BCAS3: variants seen among roughly 807,000 people sequenced by gnomAD.
BCAS3 encodes the protein BCAS3 microtubule associated cell migration factor.
Under a neutral mutation model 116.1 loss-of-function variants are expected in BCAS3, and 53 were observed. That is an observed-to-expected ratio of 0.46 (90% CI 0.37 to 0.57). The LOEUF (loss-of-function observed/expected upper bound fraction) is 0.57. BCAS3 is among the 20% of genes least tolerant of loss of function. The probability of loss-of-function intolerance (pLI) is 0.00; values close to 1 mark genes in which losing one functional copy is unlikely to be tolerated. For synonymous variants in BCAS3, 391 were observed against 408.2 expected (o/e 0.96, Z 0.51); for missense variants, 917 against 1,165.4 (o/e 0.79, Z 3.10).
At position 61,307,919 on chromosome 17, in the gene BCAS3, A is replaced by G. The variant is rs73993433; in HGVS notation, c.2426-60408A>G. On this transcript the variant is annotated intron_variant, in intron 22 of 23. Coordinates refer to ENST00000407086, the MANE Select transcript of BCAS3 (RefSeq NM_017679.5). This position sits in a 1 kb window ranked among gnomAD's most constrained non-coding sequence, Gnocchi z 4.7. Reference sequence around the variant, plus strand: ...TGTTACGTGAGCAACCCCAAACAGTATACACCTTGACAATGTGGAGACTCA... The same window carrying G: ...TGTTACGTGAGCAACCCCAAACAGTGTACACCTTGACAATGTGGAGACTCA... 4.1e-3 allele frequency among the ~76,000 whole-genome samples: 592 copies of G among 143,662 alleles called. 5 individuals are homozygous for G. Among genetic ancestry groups the G allele is most frequent in the African/African-American group, 0.016 (552 of 34,638 alleles). 94.2% of individuals were successfully genotyped at this position (143,662 alleles called of 152,430 possible).
chr17:61,235,460 A>G lies in BCAS3; in HGVS notation c.2426-132867A>G, dbSNP rs532707829. Among the ~76,000 whole-genome samples the G allele has an allele frequency of 2.6e-5, 4 of 152,184 alleles. No homozygotes were observed. Among genetic ancestry groups the G allele is most frequent in the Non-Finnish European group, 5.9e-5 (4 of 68,038 alleles). On this transcript the variant is annotated intron_variant, in intron 22 of 23. Coordinates refer to ENST00000407086, the MANE Select transcript of BCAS3 (RefSeq NM_017679.5). This position sits in a 1 kb window ranked among gnomAD's most constrained non-coding sequence, Gnocchi z 5.0. ...ATGAATGTGCTTGTTTAGCAGGTAGAGTTATTATTCTCTTATGTTCAAATT... is the reference window on the plus strand; with the variant it reads ...ATGAATGTGCTTGTTTAGCAGGTAGGGTTATTATTCTCTTATGTTCAAATT...
rs372374598 is a variant in BCAS3, at chr17:61,013,695, G to C, written c.1487-2056G>C. ...ATTGGAAATTGAGGAGATAGAGAAC[G>C]ATTTATTTTATTTGCATGAATTTCT... On this transcript the variant is annotated intron_variant, in intron 15 of 23. Transcript: ENST00000407086. This position sits in a 1 kb window ranked among gnomAD's most constrained non-coding sequence, Gnocchi z 4.4. Among the ~76,000 whole-genome samples the C allele has an allele frequency of 6.6e-6, 1 of 151,920 alleles. No individual in the cohort carries two copies.
intron 22 of BCAS3, among the ~76,000 whole-genome samples, chr17:61,257,891 C>T (rs185857888): frequency 1.3e-5 from 2 of 152,298 alleles, no homozygotes; most frequent in East Asian, 3.9e-4. Flanking sequence ...TTTCCCTTCC[C>T]ATTTTCACTC....
In BCAS3 at chr17:61,086,921, G is replaced by A. The variant is rs2073140006; in HGVS notation, c.2425+2357G>A. 3.0e-6 allele frequency: 3 copies of A among 985,280 alleles called. No homozygotes were observed. The Admixed American group carries it at 1.8e-4, about 61-fold the overall frequency. The allele number at this position is 985,280 out of a possible 1,614,324, so 61.0% of individuals were successfully genotyped here. Reference sequence around the variant, plus strand: ...TTTTGAGTGAATAATGTTTTGTCGTGGAATGTCCATCTACTTTAATAGGAC... The same window carrying A: ...TTTTGAGTGAATAATGTTTTGTCGTAGAATGTCCATCTACTTTAATAGGAC... On this transcript the variant is annotated intron_variant, in intron 22 of 23. Transcript: ENST00000407086.
intron 18 of BCAS3, among the ~76,000 whole-genome samples, chr17:61,039,718 C>A (rs2067350523): frequency 6.6e-6 from 1 of 152,042 alleles, no homozygotes; most frequent in Non-Finnish European, 1.5e-5. Context: ...ACCGCGCCGG[C>A]CCATGAACAT....
At chr17:61,027,776 A>G (rs1489035086) in intron 16 of BCAS3, among the ~76,000 whole-genome samples, 2 of 151,874 alleles carry the variant, frequency 1.3e-5, no homozygotes, top group Admixed American at 1.3e-4. Context: ...TGGACTCACT[A>G]TGAGTATTAA....
In BCAS3 at chr17:60,990,071, C is replaced by T. The variant is rs759760661; in HGVS notation, c.1322C>T (p.Pro441Leu). 6.2e-7 allele frequency: 1 copy of T among 1,614,054 alleles called. No individual in the cohort carries two copies. Among genetic ancestry groups the T allele is most frequent in the African/African-American group, 1.3e-5 (1 of 74,918 alleles). The change falls in exon 15 of 24, where the codon CCT (proline) becomes CTT (leucine). Residue 441 changes from proline (P) to leucine (L), a missense_variant. This residue lies in a region of BCAS3 where 807 missense variants were observed against 1,026.0 expected (regional missense o/e 0.79). Coordinates refer to ENST00000407086, the MANE Select transcript of BCAS3 (RefSeq NM_017679.5). This position sits in a 1 kb window ranked among gnomAD's most constrained non-coding sequence, Gnocchi z 5.1. The part of the protein sequence containing the change: ...VFPINPYGGQ[P>L]CVRTHMSPRV... ...CCCATCAACCCTTATGGTGGCCAGC[C>T]TTGTGTTCGTACACATATGTCACCA...
rs1244511514 is a variant in BCAS3 at position 61,021,189 on chromosome 17, G to A, written c.1637+5288G>A. Among the ~76,000 whole-genome samples, 1 of 152,070 alleles carries A rather than the reference G, an allele frequency of 6.6e-6. No homozygotes were observed. The highest frequency in any genetic ancestry group is 1.5e-5 in the Non-Finnish European group (1 of 68,024). ...TCTTGCCTCAGCCTCCCGAGTAGCT[G>A]GGACTACAAGTGGGTGTGTGCCACC... On this transcript the variant is annotated intron_variant, in intron 16 of 23. Coordinates refer to ENST00000407086, the MANE Select transcript of BCAS3 (RefSeq NM_017679.5). The surrounding 1 kb of genome is among the most constrained non-coding windows in gnomAD (Gnocchi z 4.6).
chr17:61,089,933 A>G (rs2073414091), intron 22 of BCAS3, among the ~76,000 whole-genome samples: 1 of 152,188 alleles, frequency 6.6e-6, no homozygotes, highest in African/African-American at 2.4e-5. Context: ...TCAGAGGCAT[A>G]GAGATGCTGA....
At chr17:61,341,310 G>C (rs1053017055) in intron 22 of BCAS3, among the ~76,000 whole-genome samples, 47 of 152,202 alleles carry the variant, frequency 3.1e-4, no homozygotes, top group African/African-American at 1.1e-3. Flanking sequence ...GGATGAGAGA[G>C]AGAAGTCAGC....
intron 6 of BCAS3, among the ~76,000 whole-genome samples, chr17:60,793,160 C>T (rs1192442770): frequency 2.0e-5 from 3 of 152,050 alleles, no homozygotes; most frequent in African/African-American, 7.2e-5. Context: ...TGCAGTGGCA[C>T]GATTTCTGCT....
intron 5 of BCAS3, among the ~76,000 whole-genome samples, chr17:60,713,358 A>G (rs2144036567): frequency 6.6e-6 from 1 of 152,338 alleles, no homozygotes; most frequent in East Asian, 1.9e-4. Context: ...CCCTTCTGAA[A>G]CTTATAACCA....
intron 22 of BCAS3, among the ~76,000 whole-genome samples, chr17:61,178,879 C>T (rs2079305704): frequency 6.6e-6 from 1 of 152,082 alleles, no homozygotes; most frequent in African/African-American, 2.4e-5. Context: ...TATGAAGACG[C>T]TGGAGCTTTG....
rs1425499594 is a variant in BCAS3, at chr17:61,282,888, T to C, written c.2426-85439T>C. On this transcript the variant is annotated intron_variant, in intron 22 of 23. Transcript: ENST00000407086. This position sits in a 1 kb window ranked among gnomAD's most constrained non-coding sequence, Gnocchi z 5.9. ...GTGCAAGTAATTAAATGAGTTTTAGTGAAGGGGAGAAATCACAGTAAAAAT... is the reference window on the plus strand; with the variant it reads ...GTGCAAGTAATTAAATGAGTTTTAGCGAAGGGGAGAAATCACAGTAAAAAT... Among the ~76,000 whole-genome samples the C allele has an allele frequency of 6.6e-6, 1 of 151,662 alleles. No homozygotes were observed. Among genetic ancestry groups the C allele is most frequent in the East Asian group, 1.9e-4 (1 of 5,198 alleles).
chr17:61,163,205 A>G (rs974001566), intron 22 of BCAS3, among the ~76,000 whole-genome samples: 1 of 152,136 alleles, frequency 6.6e-6, no homozygotes, highest in Non-Finnish European at 1.5e-5. Context: ...TGGGCAGATC[A>G]CGAGGTCAGG....
chr17:61,293,138 A>G (rs1295264521), intron 22 of BCAS3, among the ~76,000 whole-genome samples: 1 of 152,244 alleles, frequency 6.6e-6, no homozygotes, highest in Non-Finnish European at 1.5e-5. Flanking sequence ...AAGCAAGCTC[A>G]GAGACCACCA....
At chr17:61,311,763 G>A (rs893408410) in intron 22 of BCAS3, among the ~76,000 whole-genome samples, 2 of 151,984 alleles carry the variant, frequency 1.3e-5, no homozygotes, top group Non-Finnish European at 2.9e-5. Context: ...GCATGGTGGC[G>A]GGCGCCTGTA....
intron 22 of BCAS3, among the ~76,000 whole-genome samples, chr17:61,357,602 C>A (rs1056541670): frequency 6.7e-6 from 1 of 149,464 alleles, no homozygotes; most frequent in Non-Finnish European, 1.5e-5. Flanking sequence ...TGCCACCACA[C>A]CCGGCTAATG....
chr17:61,005,780 TTC>T (rs200080835), intron 15 of BCAS3, among the ~76,000 whole-genome samples: 4,203 of 151,008 alleles, frequency 0.028, 193 homozygotes, highest in African/African-American at 0.095. Context: ...AGGAAAAAAT[TTC>T]TTTTTTTTCT....
Sources: allele counts gnomAD v4.1 joint callset (sites outside exome capture counted in the v4.1 genomes callset), GRCh38; gene constraint gnomAD v4.1.1; regional missense constraint gnomAD v4.1.1; non-coding constraint Gnocchi (gnomAD v3.1); transcripts MANE v1.5; gene names NCBI Gene and HGNC (gene_info 2026-07-23, HGNC 2026-07-21).